Variants in TTLL7 observed in about 807,000 individuals in gnomAD.
The protein encoded by TTLL7 is tubulin tyrosine ligase like 7.
TTLL7 carries 53 observed loss-of-function variants against 120.2 expected under a neutral mutation model. The observed-to-expected ratio is 0.44, with a 90% confidence interval of 0.35 to 0.55. The LOEUF (loss-of-function observed/expected upper bound fraction) is 0.55. Among genes scored for constraint, TTLL7 ranks in the 20% least tolerant of loss-of-function variants. TTLL7 has a pLI of 0.00. For missense variants in TTLL7, 803 were observed against 1,054.7 expected, an observed-to-expected ratio of 0.76 and a Z score of 3.31; for synonymous variants, 353 against 351.7, an observed-to-expected ratio of 1.00 and a Z score of -0.04.
At chr1:83,948,184 AACACAC>A (rs35199174) in intron 5 of TTLL7, among the ~76,000 whole-genome samples, 43 of 147,450 alleles carry the variant, frequency 2.9e-4, no homozygotes, top group Middle Eastern at 3.5e-3. Context: ...GACACACACA[AACACAC>A]ACACACACAC....
chr1:83,994,322 C>G (rs1653286335), intron 1 of TTLL7, among the ~76,000 whole-genome samples: 1 of 152,184 alleles, frequency 6.6e-6, no homozygotes, highest in African/African-American at 2.4e-5. Flanking sequence ...CTCATAGACA[C>G]TTAATGGCCT....
chr1:83,926,793 T>C (rs536994484), intron 10 of TTLL7, among the ~76,000 whole-genome samples: 33 of 152,286 alleles, frequency 2.2e-4, no homozygotes, highest in African/African-American at 7.7e-4. Flanking sequence ...GACCCAAGGA[T>C]TCATGGGATT....
chr1:83,944,871 G>A (rs1648333567), intron 6 of TTLL7, among the ~76,000 whole-genome samples: 1 of 152,146 alleles, frequency 6.6e-6, no homozygotes, highest in South Asian at 2.1e-4. Context: ...ACAACATAAA[G>A]GGAGTAAATC....
intron 1 of TTLL7, among the ~76,000 whole-genome samples, chr1:83,983,522 A>C (rs896777772): frequency 2.0e-5 from 3 of 152,132 alleles, no homozygotes; most frequent in Non-Finnish European, 4.4e-5. Flanking sequence ...CTAGAAGAAA[A>C]CCTAGGAAAT....
chr1:83,950,281 C>T (rs533906428), intron 3 of TTLL7, among the ~76,000 whole-genome samples: 105 of 152,260 alleles, frequency 6.9e-4, no homozygotes, highest in African/African-American at 2.4e-3. Context: ...AAGGAAAACA[C>T]ACACAGCTGA....
At chr1:83,881,798 T>C (rs530663035) in intron 20 of TTLL7, among the ~76,000 whole-genome samples, 12 of 150,028 alleles carry the variant, frequency 8.0e-5, no homozygotes, top group Non-Finnish European at 1.5e-4. Flanking sequence ...CGTATGTTTA[T>C]TGCGGCACTA....
At chr1:83,910,031 A>G (rs1042748987) in intron 15 of TTLL7, among the ~76,000 whole-genome samples, 4 of 152,288 alleles carry the variant, frequency 2.6e-5, no homozygotes, top group Middle Eastern at 3.4e-3. Flanking sequence ...GAATAAGTAA[A>G]TAAATAAATA....
chr1:83,906,485 A>G (rs1438412734), intron 16 of TTLL7, 22 bp from the exon 17 acceptor site: 1 of 1,610,916 alleles, frequency 6.2e-7, no homozygotes, highest in Non-Finnish European at 8.5e-7. Context: ...AAGAATACAG[A>G]TATTTGGAGG....
intron 1 of TTLL7, among the ~76,000 whole-genome samples, chr1:83,965,639 T>G (rs557308045): frequency 9.5e-4 from 145 of 152,312 alleles, no homozygotes; most frequent in Non-Finnish European, 1.8e-3. Flanking sequence ...TTTAAATATT[T>G]CATTTGAATA....
intron 13 of TTLL7, among the ~76,000 whole-genome samples, chr1:83,919,442 T>C (rs1368046174): frequency 6.6e-6 from 1 of 152,180 alleles, no homozygotes; most frequent in East Asian, 1.9e-4. Context: ...CACATCTATG[T>C]AAGAAGATAC....
At chr1:83,908,755 T>A (rs12748268) in intron 15 of TTLL7, among the ~76,000 whole-genome samples, 1 of 151,540 alleles carries the variant, frequency 6.6e-6, no homozygotes, top group East Asian at 1.9e-4. Flanking sequence ...AATAATTTGG[T>A]AAAATTCACA....
chr1:83,910,218 T>A (rs17475494), intron 15 of TTLL7, among the ~76,000 whole-genome samples: 6,276 of 152,226 alleles, frequency 0.041, 155 homozygotes, highest in Middle Eastern at 0.099. Context: ...AGGCCAGTTT[T>A]AAAATATCCA....
chr1:83,883,217 A>C, intron 19 of TTLL7, 81 bp from the exon 20 acceptor site: 1 of 1,123,968 alleles, frequency 8.9e-7, no homozygotes, highest in Non-Finnish European at 1.3e-6. Flanking sequence ...CTAGCAACAA[A>C]CCAATAAGGG....
At chr1:83,962,420 A>G (rs2100543186) in intron 1 of TTLL7, among the ~76,000 whole-genome samples, 1 of 152,148 alleles carries the variant, frequency 6.6e-6, no homozygotes, top group Non-Finnish European at 1.5e-5. Flanking sequence ...TTAGTTTACT[A>G]TTTATATTTC....
intron 6 of TTLL7, among the ~76,000 whole-genome samples, chr1:83,943,109 C>T (rs926031928): frequency 6.6e-6 from 1 of 152,068 alleles, no homozygotes; most frequent in African/African-American, 2.4e-5. Context: ...TTTAGCTTGC[C>T]TAACTTGGAA....
At chr1:83,907,377 C>G (rs757341547) in intron 16 of TTLL7, 79 bp downstream of exon 16, 23 of 1,282,050 alleles carry the variant, frequency 1.8e-5, no homozygotes, top group South Asian at 3.8e-5. Context: ...GAGGTTCAGT[C>G]TGTCCTCCTC....
chr1:83,986,631 G>A (rs763238496), intron 1 of TTLL7, among the ~76,000 whole-genome samples: 1 of 152,192 alleles, frequency 6.6e-6, no homozygotes, highest in Non-Finnish European at 1.5e-5. Context: ...TATCACCTGA[G>A]GTCAGGAGTT....
At chr1:83,940,078 A>C (rs942786793) in intron 7 of TTLL7, among the ~76,000 whole-genome samples, 1 of 152,120 alleles carries the variant, frequency 6.6e-6, no homozygotes, top group African/African-American at 2.4e-5. Context: ...TCCTTTTTCT[A>C]TATATGTAAA....
chr1:83,878,381 C>T (rs1467168834), intron 20 of TTLL7, among the ~76,000 whole-genome samples: 1 of 151,856 alleles, frequency 6.6e-6, no homozygotes, highest in African/African-American at 2.4e-5. Context: ...AAATCTTCCT[C>T]TATGGTTGTA....
Sources: gnomAD v4.1 joint callset for allele counts (sites outside exome capture counted in the v4.1 genomes callset) on GRCh38, gnomAD v4.1.1 for gene constraint, MANE v1.5 for transcripts, NCBI Gene and HGNC (gene_info 2026-07-23, HGNC 2026-07-21) for gene names.